COL15A1: variants seen among roughly 807,000 people sequenced by gnomAD.
COL15A1 encodes the protein collagen type XV alpha 1 chain, also known as collagen alpha-1(XV) chain.
In COL15A1, 111 loss-of-function variants were observed where a neutral mutation model predicts 165.9. That is an observed-to-expected ratio of 0.67 (90% CI 0.57 to 0.78). The LOEUF is 0.78. Ranked by LOEUF, COL15A1 falls within the 30% of genes least tolerant of loss-of-function variation. COL15A1 has a pLI of 0.00. For missense variants in COL15A1, 1,745 were observed against 1,789.7 expected (o/e 0.98, Z 0.45); for synonymous variants, 659 against 674.8 (o/e 0.98, Z 0.36).
chr9:99,053,991 A>G (rs1328275899), intron 31 of COL15A1, among the ~76,000 whole-genome samples: 1 of 152,070 alleles, frequency 6.6e-6, no homozygotes, highest in Non-Finnish European at 1.5e-5. Context: ...CTCCCATATA[A>G]AGAGTTGAGG....
At chr9:98,980,160 C>CAA (rs11343445) in intron 2 of COL15A1, among the ~76,000 whole-genome samples, 1 of 143,840 alleles carries the variant, frequency 7.0e-6, no homozygotes, top group Non-Finnish European at 1.5e-5. Flanking sequence ...ACTCTTGTCT[C>CAA]AAAAAAAAAA....
At chr9:99,015,382 A>G in intron 9 of COL15A1, 35 bp from the exon 10 acceptor site, 1 of 1,555,246 alleles carries the variant, frequency 6.4e-7, no homozygotes, top group Non-Finnish European at 8.9e-7. Context: ...GGCATGGGCG[A>G]AGGGGCACAG....
At chr9:98,960,546 T>A (rs1837849509) in intron 2 of COL15A1, among the ~76,000 whole-genome samples, 1 of 152,122 alleles carries the variant, frequency 6.6e-6, no homozygotes, top group Admixed American at 6.6e-5. Context: ...AGGTGATGTG[T>A]GTGGCACTCA....
chr9:99,013,282 TG>T (rs1023553293), intron 9 of COL15A1, among the ~76,000 whole-genome samples: 1 of 152,098 alleles, frequency 6.6e-6, no homozygotes, highest in Non-Finnish European at 1.5e-5. Context: ...CTGCATGTCA[TG>T]GGGGGGTCAA....
chr9:99,040,977 C>A, intron 23 of COL15A1: 1 of 186,818 alleles, frequency 5.4e-6, no homozygotes, highest in Non-Finnish European at 1.1e-5. Context: ...GAAGAAAAGG[C>A]CAAACCCCTA....
At chr9:98,989,365 T>G (rs949358647) in intron 5 of COL15A1, 107 bp downstream of exon 5, 3 of 879,990 alleles carry the variant, frequency 3.4e-6, no homozygotes, top group South Asian at 1.7e-5. Flanking sequence ...TTTCCAGACC[T>G]GTGAGCTTAA....
rs372748610 is a variant in COL15A1 at position 99,022,163 on chromosome 9, T to C, written c.1761+13T>C. The C allele has an allele frequency of 9.3e-6, 15 of 1,613,958 alleles. No homozygotes were observed. In the African/African-American group the frequency reaches 1.9e-4, roughly 20 times the overall value. The stretch of plus-strand genomic sequence containing the variant: ...TGTTGGACCCACGGTGAGATTCCCA[T>C]CCAGGCTTGTCACACACACAGGTGT... On this transcript the variant is annotated intron_variant, in intron 13 of 41. Coordinates refer to ENST00000375001, the MANE Select transcript of COL15A1 (RefSeq NM_001855.5).
chr9:99,031,738 A>G (rs1488403735), intron 16 of COL15A1, among the ~76,000 whole-genome samples: 1 of 152,254 alleles, frequency 6.6e-6, no homozygotes, highest in Non-Finnish European at 1.5e-5. Flanking sequence ...AGGTGAGGAC[A>G]GAACAACTCT....
rs1217853670 is a variant in COL15A1, at chr9:99,024,856, G to C, written c.1855-18G>C. ...CGGTATTCCCCCACTGTTTCTAACA[G>C]AGTCTTTGTGTTTTTAGGGTCCTCC... is the stretch of plus-strand genomic sequence containing the variant. On this transcript the variant is annotated intron_variant, in intron 14 of 41. Coordinates refer to ENST00000375001, the MANE Select transcript of COL15A1 (RefSeq NM_001855.5). The C allele has an allele frequency of 6.2e-7, 1 of 1,608,780 alleles. No homozygotes were observed. Among genetic ancestry groups the C allele is most frequent in the East Asian group, 2.2e-5 (1 of 44,846 alleles).
At chr9:99,067,616 C>T (rs1017911822) in intron 40 of COL15A1, among the ~76,000 whole-genome samples, 2 of 152,192 alleles carry the variant, frequency 1.3e-5, no homozygotes, top group East Asian at 3.8e-4. Flanking sequence ...CACTCACATA[C>T]ACCGTGGAGA....
chr9:98,980,472 G>A (rs1239470430), intron 2 of COL15A1, among the ~76,000 whole-genome samples: 1 of 152,220 alleles, frequency 6.6e-6, no homozygotes, highest in East Asian at 1.9e-4. Flanking sequence ...AGATGGCACA[G>A]AGGAAAGCAT....
At chr9:99,043,050 G>A (rs186328926) in intron 24 of COL15A1, among the ~76,000 whole-genome samples, 1 of 152,278 alleles carries the variant, frequency 6.6e-6, no homozygotes, top group East Asian at 1.9e-4. Flanking sequence ...GGAGCTCTGT[G>A]CAAAGCCAGT....
At chr9:99,022,682 C>T (rs1486737178) in intron 13 of COL15A1, among the ~76,000 whole-genome samples, 1 of 152,250 alleles carries the variant, frequency 6.6e-6, no homozygotes, top group Non-Finnish European at 1.5e-5. Flanking sequence ...CAGCTGTAAC[C>T]CCCAAACCCA....
At position 99,069,895 on chromosome 9, in the gene COL15A1, T is replaced by G; in HGVS notation, c.*9T>G. On this transcript the variant is annotated 3_prime_UTR_variant, in exon 42 of 42. Transcript: ENST00000375001. ...CAGACGCTAGGAAGTAATGGCCTTC[T>G]GATGATTCTTAAAGAGTTTTCAATT... The G allele has an allele frequency of 6.3e-7, 1 of 1,595,004 alleles. No homozygotes were observed. The highest frequency in any genetic ancestry group is 8.6e-7 in the Non-Finnish European group (1 of 1,164,562).
intron 11 of COL15A1, among the ~76,000 whole-genome samples, chr9:99,018,063 G>C (rs978240269): frequency 1.2e-4 from 19 of 152,182 alleles, no homozygotes; most frequent in Non-Finnish European, 1.5e-5. Context: ...AATTCAATGT[G>C]TATGGCTGAT....
At chr9:98,968,092 A>G (rs1837986442) in intron 2 of COL15A1, among the ~76,000 whole-genome samples, 1 of 152,222 alleles carries the variant, frequency 6.6e-6, no homozygotes, top group African/African-American at 2.4e-5. Context: ...AACCTGGCCC[A>G]GCCACTTGCT....
In COL15A1 at chr9:99,005,023, C is replaced by T. The variant is rs1220924883; in HGVS notation, c.1326C>T (p.Ala442=). The T allele has an allele frequency of 6.2e-7, 1 of 1,611,854 alleles. No individual in the cohort carries two copies. The highest frequency in any genetic ancestry group is 8.5e-7 in the Non-Finnish European group (1 of 1,179,010). The stretch of plus-strand genomic sequence containing the variant: ...GGGAGCTGGACCTCTCCATGTCCGC[C>T]CAGAGCCTCGGGGAAGAGGCCACTG... ...APGELDLSMS[A]QSLGEEATVG... is the part of the protein sequence containing the mutation. The change falls in exon 9 of 42, where the codon GCC becomes GCT. Residue 442 remains alanine, a synonymous_variant. Transcript: ENST00000375001.
intron 2 of COL15A1, 119 bp downstream of exon 2, chr9:98,944,369 C>A (rs1837541018): frequency 2.9e-6 from 3 of 1,019,836 alleles, no homozygotes; most frequent in Non-Finnish European, 2.9e-6. Flanking sequence ...GGGAGTCTTG[C>A]CACTCAGTGC....
At chr9:98,964,331 G>A (rs942276756) in intron 2 of COL15A1, among the ~76,000 whole-genome samples, 8 of 152,104 alleles carry the variant, frequency 5.3e-5, no homozygotes, top group Non-Finnish European at 1.2e-4. Flanking sequence ...TTTGGAGACT[G>A]TCAAGCTGTA....
Sources: gnomAD v4.1 joint callset for allele counts (sites outside exome capture counted in the v4.1 genomes callset) on GRCh38, gnomAD v4.1.1 for gene constraint, MANE v1.5 for transcripts, NCBI Gene and HGNC (gene_info 2026-07-23, HGNC 2026-07-21) for gene names.